CHADL: variants seen among roughly 807,000 people sequenced by gnomAD.
CHADL encodes chondroadherin-like protein.
CHADL carries 48 observed loss-of-function variants against 52.1 expected under a neutral mutation model. The ratio of observed to expected loss-of-function variants is 0.92; its 90% confidence interval spans 0.73 to 1.17. CHADL has a LOEUF of 1.17. CHADL is among the 50% of genes most tolerant of loss of function. CHADL has a pLI of 0.00. For synonymous variants in CHADL, 498 were observed against 511.2 expected, an observed-to-expected ratio of 0.97 and a Z score of 0.35; for missense variants, 977 against 1,035.1, an observed-to-expected ratio of 0.94 and a Z score of 0.77.
At chr22:41,239,719 CCT>C in intron 1 of CHADL, 99 bp from the exon 2 acceptor site, 2 of 1,087,120 alleles carry the variant, frequency 1.8e-6, no homozygotes, top group Non-Finnish European at 2.5e-6. Context: ...CCCAAAAACC[CCT>C]CAGAGCCTCC....
rs372266272 is a variant in CHADL, at chr22:41,237,162, T to C, written c.1896+14A>G. The C allele has an allele frequency of 1.2e-4, 183 of 1,525,766 alleles. No individual in the cohort carries two copies. Among genetic ancestry groups the C allele is most frequent in the Non-Finnish European group, 1.5e-4 (175 of 1,131,388 alleles). 94.5% of individuals were successfully genotyped at this position (1,525,766 alleles called of 1,614,324 possible). A position where few individuals can be genotyped will look rare whatever the true frequency, so the allele number is the denominator to read the frequency against. The stretch of plus-strand genomic sequence containing the variant: ...CGCCTCCTGCACCAACCCCGCCAGA[T>C]GCCCAGTGCCCACCTGCTCCAGGCC... On this transcript the variant is annotated intron_variant, in intron 3 of 5. Coordinates refer to ENST00000216241, the MANE Select transcript of CHADL (RefSeq NM_138481.2).
rs1459279630 is a variant in CHADL at position 41,237,654 on chromosome 22, C to T, written c.1418G>A (p.Gly473Asp). 6.5e-7 allele frequency: 1 copy of T among 1,545,084 alleles called. No homozygotes were observed. Among genetic ancestry groups the T allele is most frequent in the East Asian group, 2.5e-5 (1 of 40,770 alleles). ...GGAGAGGTACAGGTAGATCAGGCGG[C>T]CCAGCCCGGCCAGGGCGCCCGCTTC... is the stretch of plus-strand genomic sequence containing the variant. ...ELEAGALAGL[G>D]RLIYLYLSDN... The change falls in exon 3 of 6, where the codon GGC (glycine) becomes GAC (aspartate). Residue 473 changes from glycine to aspartate, a missense_variant. Coordinates refer to ENST00000216241, the MANE Select transcript of CHADL (RefSeq NM_138481.2).
intron 4 of CHADL, 53 bp from the exon 5 acceptor site, chr22:41,235,396 C>A: frequency 1.4e-6 from 2 of 1,453,498 alleles, no homozygotes; most frequent in Non-Finnish European, 9.4e-7. Flanking sequence ...GCTCCAGTGG[C>A]CTGGAGCAGG....
intron 5 of CHADL, among the ~76,000 whole-genome samples, chr22:41,233,185 G>A (rs1038983306): frequency 2.0e-5 from 3 of 152,150 alleles, no homozygotes; most frequent in Non-Finnish European, 4.4e-5. Context: ...AATTTGGCTG[G>A]GCGCAGTGGC....
rs1011565218 is a variant in CHADL, at chr22:41,229,689, C to CA, written c.*14dup. On this transcript the variant is annotated 3_prime_UTR_variant, in exon 6 of 6. Transcript: ENST00000216241. ...CCACCGGGCTGGGTCAAGGCAGGAC[C>CA]AGCCTGCTCCGTGCTCAGAGACGAC... 1 of 1,612,868 alleles carries CA rather than the reference C, an allele frequency of 6.2e-7. No individual in the cohort carries two copies. The highest frequency in any genetic ancestry group is 1.3e-5 in the African/African-American group (1 of 75,004).
At chr22:41,236,710 C>A in intron 3 of CHADL, 60 bp from the exon 4 acceptor site, 1 of 1,452,338 alleles carries the variant, frequency 6.9e-7, no homozygotes, top group Non-Finnish European at 9.2e-7. Context: ...ACCCCCAAGT[C>A]TGGAAGGGAG....
intron 5 of CHADL, among the ~76,000 whole-genome samples, chr22:41,231,426 G>C (rs1663461366): frequency 6.6e-6 from 1 of 152,164 alleles, no homozygotes; most frequent in African/African-American, 2.4e-5. Context: ...CCCTGTCTTA[G>C]CCACATGCTG....
chr22:41,231,905 T>C (rs1569156998), intron 5 of CHADL, among the ~76,000 whole-genome samples: 1 of 152,142 alleles, frequency 6.6e-6, no homozygotes, highest in Non-Finnish European at 1.5e-5. Context: ...GGGAACTCCA[T>C]AGTATCAAGA....
At chr22:41,232,154 A>G (rs2032617523) in intron 5 of CHADL, among the ~76,000 whole-genome samples, 1 of 151,842 alleles carries the variant, frequency 6.6e-6, no homozygotes, top group African/African-American at 2.4e-5. Context: ...AACACGATGA[A>G]ACCCTGTCTC....
In CHADL at chr22:41,238,458, AGGCCAGCCAGGGCCTCGGG is replaced by A. The variant is rs1490049094; in HGVS notation, c.595_613del (p.Pro199CysfsTer4). 1.3e-6 allele frequency: 2 copies of A among 1,529,962 alleles called. No individual in the cohort carries two copies. The highest frequency in any genetic ancestry group is 2.8e-5 in the African/African-American group (2 of 72,660). 94.8% of individuals were successfully genotyped at this position (1,529,962 alleles called of 1,614,324 possible). On this transcript the variant is annotated frameshift_variant, in exon 3 of 6. Transcript: ENST00000216241. LOFTEE classifies it high-confidence loss of function. This position sits in a 1 kb window ranked among gnomAD's most constrained non-coding sequence, Gnocchi z 4.9. Reference sequence around the variant, plus strand: ...TAGGCTGAGCCGTCTCAGGGCGGGCAGGCCAGCCAGGGCCTCGGGGGCCAGCACGCTGAGCGCGTTGTGC... The same window carrying A: ...TAGGCTGAGCCGTCTCAGGGCGGGCAGGCCAGCACGCTGAGCGCGTTGTGC...
At position 41,238,258 on chromosome 22, in the gene CHADL, T is replaced by TGGGACCCAGGGCCTGCA. The variant is rs1381758986; in HGVS notation, c.797_813dup (p.Arg272CysfsTer25). 6.5e-7 allele frequency: 1 copy of TGGGACCCAGGGCCTGCA among 1,530,146 alleles called. No individual in the cohort carries two copies. The highest frequency in any genetic ancestry group is 8.7e-7 in the Non-Finnish European group (1 of 1,144,934). 94.8% of individuals were successfully genotyped at this position (1,530,146 alleles called of 1,614,324 possible). A position where few individuals can be genotyped will look rare whatever the true frequency, so the allele number is the denominator to read the frequency against. On this transcript the variant is annotated frameshift_variant, in exon 3 of 6. Transcript: ENST00000216241. LOFTEE classifies it high-confidence loss of function. This position sits in a 1 kb window ranked among gnomAD's most constrained non-coding sequence, Gnocchi z 4.9. The stretch of plus-strand genomic sequence containing the variant: ...AGGCGCGGACAGTGTGCGAAGGCCC[T>TGGGACCCAGGGCCTGCA]GGGACCCAGGGCCTGCAGGGCCCCG...
At chr22:41,232,615 T>C (rs1361521305) in intron 5 of CHADL, among the ~76,000 whole-genome samples, 1 of 152,162 alleles carries the variant, frequency 6.6e-6, no homozygotes, top group Admixed American at 6.5e-5. Context: ...AAACTGCTAC[T>C]TTCATCAAAA....
chr22:41,240,765 C>G (rs1267036776), intron 1 of CHADL, 109 bp downstream of exon 1: 12 of 1,369,876 alleles, frequency 8.8e-6, no homozygotes, highest in Admixed American at 4.1e-5. Flanking sequence ...AGGAAGTCCC[C>G]AGAGCCCCTG....
Position 41,235,343 on chromosome 22 carries a change from C to T in CHADL, c.2064G>A (p.Arg688=). The change falls in exon 5 of 6, where the codon AGG becomes AGA. Residue 688 remains arginine, a splice_region_variant and synonymous_variant. Coordinates refer to ENST00000216241, the MANE Select transcript of CHADL (RefSeq NM_138481.2). ...HCDCQLLPLH[R]WLTGLNLRVG... Reference sequence around the variant, plus strand: ...CCCGCAGGTTCAGCCCAGTAAGCCACCTGAAGAGAAAAGAGAGCTGGGGAG... The same window carrying T: ...CCCGCAGGTTCAGCCCAGTAAGCCATCTGAAGAGAAAAGAGAGCTGGGGAG... 1 of 1,550,330 alleles carries T rather than the reference C, an allele frequency of 6.5e-7. No individual in the cohort carries two copies. The highest frequency in any genetic ancestry group is 8.7e-7 in the Non-Finnish European group (1 of 1,146,834).
intron 5 of CHADL, among the ~76,000 whole-genome samples, chr22:41,232,148 C>A (rs533465314): frequency 2.0e-5 from 3 of 151,650 alleles, no homozygotes; most frequent in African/African-American, 7.3e-5. Context: ...CTGGCTAACA[C>A]GATGAAACCC....
Position 41,238,385 on chromosome 22 carries a change from GGCCTGGGACAAGACAGGCCCGGGCAGA to G in CHADL, c.660_686del (p.Leu221_Ala229del). The G allele has an allele frequency of 1.3e-6, 2 of 1,499,038 alleles. No homozygotes were observed. The highest frequency in any genetic ancestry group is 1.8e-6 in the Non-Finnish European group (2 of 1,129,112). 92.9% of individuals were successfully genotyped at this position (1,499,038 alleles called of 1,614,324 possible). ...CCAGCTCCAGACGGGCCAGGCCGCG[GGCCTGGGACAAGACAGGCCCGGGCAGA>G]GCCTGGAGCTCGTTGTGGTGTAGGC... On this transcript the variant is annotated inframe_deletion, in exon 3 of 6. Transcript: ENST00000216241. The surrounding 1 kb of genome is among the most constrained non-coding windows in gnomAD (Gnocchi z 4.9).
Position 41,229,698 on chromosome 22 carries a change from C to T in CHADL, c.*6G>A, listed in dbSNP as rs1462559791. 6.2e-7 allele frequency: 1 copy of T among 1,612,562 alleles called. No homozygotes were observed. The highest frequency in any genetic ancestry group is 8.5e-7 in the Non-Finnish European group (1 of 1,180,006). On this transcript the variant is annotated 3_prime_UTR_variant, in exon 6 of 6. Coordinates refer to ENST00000216241, the MANE Select transcript of CHADL (RefSeq NM_138481.2). The stretch of plus-strand genomic sequence containing the variant: ...TGGGTCAAGGCAGGACCAGCCTGCT[C>T]CGTGCTCAGAGACGACCCTTCTCCT...
At chr22:41,233,713 C>CTGCT (rs2032682078) in intron 5 of CHADL, among the ~76,000 whole-genome samples, 2 of 152,186 alleles carry the variant, frequency 1.3e-5, no homozygotes, top group South Asian at 4.1e-4. Flanking sequence ...TACAGAAGCT[C>CTGCT]TGCTGTTCTA....
Position 41,238,676 on chromosome 22 carries a change from C to G in CHADL, c.396G>C (p.Gly132=), listed in dbSNP as rs2032803255. The G allele has an allele frequency of 6.5e-7, 1 of 1,545,296 alleles. No homozygotes were observed. Among genetic ancestry groups the G allele is most frequent in the African/African-American group, 1.4e-5 (1 of 72,964 alleles). ...GCTCCAGCCGCCGCAACGAGCCCAG[C>G]CCGTCCAGCGCCTCCTGGGGCAGCT... ...LRELPQEALD[G]LGSLRRLELE... The change falls in exon 3 of 6, where the codon GGG becomes GGC. Residue 132 remains glycine (G), a synonymous_variant. Transcript: ENST00000216241. This position sits in a 1 kb window ranked among gnomAD's most constrained non-coding sequence, Gnocchi z 4.9.
Sources: gnomAD v4.1 joint callset for allele counts (sites outside exome capture counted in the v4.1 genomes callset) on GRCh38, gnomAD v4.1.1 for gene constraint, Gnocchi (gnomAD v3.1) non-coding constraint, MANE v1.5 for transcripts, NCBI Gene and HGNC (gene_info 2026-07-23, HGNC 2026-07-21) for gene names.